The following UBE2D3 variants were observed in gnomAD, a reference collection of about 807,000 sequenced individuals.
UBE2D3 encodes ubiquitin conjugating enzyme E2 D3.
Under a neutral mutation model 22.8 loss-of-function variants are expected in UBE2D3, and 2 were observed. That is an observed-to-expected ratio of 0.09 (90% CI 0.04 to 0.28). The LOEUF (loss-of-function observed/expected upper bound fraction) is 0.28. Among genes scored for constraint, UBE2D3 ranks in the 10% least tolerant of loss-of-function variants. The pLI is 1.00. For synonymous variants in UBE2D3, 56 were observed against 60.4 expected (o/e 0.93, Z 0.34); for missense variants, 27 against 182.5 (o/e 0.15, Z 4.91).
chr4:102,811,734 GAA>G (rs1452662662), intron 2 of UBE2D3: 1 of 433,102 alleles, frequency 2.3e-6, no homozygotes, highest in Non-Finnish European at 4.5e-6. Flanking sequence ...CCAAGTACTA[GAA>G]AGCAAAAGAA....
intron 2 of UBE2D3, 111 bp downstream of exon 2, chr4:102,826,374 T>G: frequency 7.4e-7 from 1 of 1,346,646 alleles, no homozygotes; most frequent in Non-Finnish European, 1.0e-6. Flanking sequence ...ATGGAAGAAG[T>G]GATCCAAGAG....
chr4:102,824,039 C>G (rs1730049004), intron 2 of UBE2D3, among the ~76,000 whole-genome samples: 1 of 152,196 alleles, frequency 6.6e-6, no homozygotes, highest in African/African-American at 2.4e-5. Context: ...GAGCTGTCCA[C>G]TCACTAAAAT....
intron 1 of UBE2D3, among the ~76,000 whole-genome samples, chr4:102,853,258 T>G (rs1732464481): frequency 6.7e-6 from 1 of 149,182 alleles, no homozygotes; most frequent in Non-Finnish European, 1.5e-5. Context: ...TTCTCCTGCC[T>G]CAGCCTCCCG....
At position 102,854,268 on chromosome 4, in the gene UBE2D3, A is replaced by C. The variant is rs916847801; in HGVS notation, c.-129+14447T>G. On this transcript the variant is annotated intron_variant, in intron 1 of 7. Coordinates refer to the UBE2D3 transcript ENST00000338145. ...GTTATTTTTATATTGACAAATGTGT[A>C]TATTTTTTAAGGATAATGTATATTC... Among the ~76,000 whole-genome samples the C allele has an allele frequency of 5.3e-5, 8 of 152,076 alleles. 1 individual carries two copies. Among genetic ancestry groups the C allele is most frequent in the South Asian group, 2.1e-4 (1 of 4,832 alleles).
chr4:102,858,636 C>T (rs1406707710), intron 1 of UBE2D3, among the ~76,000 whole-genome samples: 1 of 151,736 alleles, frequency 6.6e-6, no homozygotes, highest in Admixed American at 6.6e-5. Context: ...TTCCAAGTTA[C>T]TATAAAGTAA....
chr4:102,799,015 A>T, intron 7 of UBE2D3: 1 of 1,556,714 alleles, frequency 6.4e-7, no homozygotes, highest in Non-Finnish European at 8.8e-7. Context: ...ATTATAACAT[A>T]TGAAAGTTAT....
intron 1 of UBE2D3, among the ~76,000 whole-genome samples, chr4:102,862,098 T>G (rs1187001679): frequency 6.6e-6 from 1 of 151,954 alleles, no homozygotes; most frequent in Non-Finnish European, 1.5e-5. Context: ...GGAAGGTGAT[T>G]TCAAAATAGT....
At chr4:102,843,103 C>G (rs537550203) in intron 1 of UBE2D3, among the ~76,000 whole-genome samples, 38 of 152,242 alleles carry the variant, frequency 2.5e-4, no homozygotes, top group Non-Finnish European at 2.1e-4. Context: ...GAATAAGACT[C>G]CGTCTCAAAA....
intron 7 of UBE2D3, 128 bp from the exon 8 acceptor site, chr4:102,797,588 A>AG: frequency 1.7e-6 from 1 of 600,628 alleles, no homozygotes; most frequent in South Asian, 3.6e-5. Flanking sequence ...CTATGATTAG[A>AG]ATAAAAGCCA....
At chr4:102,831,347 C>T (rs1731105263), upstream of UBE2D3, among the ~76,000 whole-genome samples, 1 of 152,152 alleles carries the variant, frequency 6.6e-6, no homozygotes, top group African/African-American at 2.4e-5. Context: ...TACTTTATTT[C>T]ATGCTAAGAT....
At chr4:102,833,039 A>C (rs1242764343) in intron 1 of UBE2D3, among the ~76,000 whole-genome samples, 2 of 151,702 alleles carry the variant, frequency 1.3e-5, no homozygotes, top group African/African-American at 4.8e-5. Context: ...AAAATATGAT[A>C]TTCTAATAAA....
intron 2 of UBE2D3, chr4:102,812,022 T>C (rs1728128038): frequency 1.3e-5 from 2 of 152,886 alleles, no homozygotes; most frequent in Non-Finnish European, 2.7e-5. Context: ...TGGGTAACTT[T>C]TTTTCCTCAA....
upstream of UBE2D3, chr4:102,827,932 C>T (rs753352119): frequency 1.7e-5 from 17 of 985,438 alleles, no homozygotes; most frequent in Non-Finnish European, 2.0e-5. Flanking sequence ...CAGCGTCCCC[C>T]AGTTTCCTCA....
At chr4:102,825,762 C>T (rs1459683887) in intron 2 of UBE2D3, 2 of 471,078 alleles carry the variant, frequency 4.2e-6, no homozygotes, top group Non-Finnish European at 8.3e-6. Flanking sequence ...TTATCCACCC[C>T]CACTCTCCAG....
chr4:102,851,645 AT>A (rs1161135525), intron 1 of UBE2D3, among the ~76,000 whole-genome samples: 333 of 142,980 alleles, frequency 2.3e-3, no homozygotes, highest in African/African-American at 7.1e-3. Flanking sequence ...TAGAACCCCC[AT>A]TTTTTTTTGT....
At chr4:102,835,068 C>A (rs1731319236) in intron 1 of UBE2D3, among the ~76,000 whole-genome samples, 1 of 152,134 alleles carries the variant, frequency 6.6e-6, no homozygotes, top group South Asian at 2.1e-4. Flanking sequence ...TCTACAGAAC[C>A]ACCAGTCTAA....
intron 1 of UBE2D3, among the ~76,000 whole-genome samples, chr4:102,850,905 G>C (rs916972449): frequency 2.0e-5 from 3 of 151,578 alleles, no homozygotes; most frequent in Non-Finnish European, 4.4e-5. Context: ...GCTTAAGAAT[G>C]ATACAGTGGA....
At chr4:102,824,855 A>G (rs960817363) in intron 2 of UBE2D3, among the ~76,000 whole-genome samples, 2 of 152,240 alleles carry the variant, frequency 1.3e-5, no homozygotes, top group African/African-American at 4.8e-5. Context: ...GGCTTCTCCA[A>G]TATGTTCCTG....
At chr4:102,862,107 G>T (rs907948989) in intron 1 of UBE2D3, among the ~76,000 whole-genome samples, 1 of 151,864 alleles carries the variant, frequency 6.6e-6, no homozygotes, top group African/African-American at 2.4e-5. Flanking sequence ...TTTCAAAATA[G>T]TTTCGCCATG....
Sources: gnomAD v4.1 joint callset for allele counts (sites outside exome capture counted in the v4.1 genomes callset) on GRCh38, gnomAD v4.1.1 for gene constraint, MANE v1.5 for transcripts, NCBI Gene and HGNC (gene_info 2026-07-23, HGNC 2026-07-21) for gene names.